MYO3A: variants seen among roughly 807,000 people sequenced by gnomAD.
The protein encoded by MYO3A is myosin-IIIa.
In MYO3A, 180 loss-of-function variants were observed where a neutral mutation model predicts 192.7. The ratio of observed to expected loss-of-function variants is 0.93; its 90% CI spans 0.83 to 1.06. The LOEUF (loss-of-function observed/expected upper bound fraction) is 1.06. MYO3A is among the 50% of genes least tolerant of loss of function. MYO3A has a pLI of 0.00. For synonymous variants in MYO3A, 628 were observed against 645.3 expected (o/e 0.97, Z 0.41); for missense variants, 1,896 against 1,905.0 (o/e 1.00, Z 0.09).
chr10:26,147,636 T>G, intron 23 of MYO3A, 77 bp downstream of exon 23: 1 of 1,594,560 alleles, frequency 6.3e-7, no homozygotes, highest in Non-Finnish European at 8.6e-7. Context: ...TTCACTAATT[T>G]CATCCTTAAT....
chr10:26,103,984 C>A (rs1837632629), intron 17 of MYO3A, among the ~76,000 whole-genome samples: 1 of 151,886 alleles, frequency 6.6e-6, no homozygotes, highest in African/African-American at 2.4e-5. Context: ...TCATCTGTGG[C>A]TCTTTTTTGG....
chr10:26,174,935 C>T (rs1842245992), intron 30 of MYO3A, among the ~76,000 whole-genome samples: 1 of 152,144 alleles, frequency 6.6e-6, no homozygotes, highest in African/African-American at 2.4e-5. Flanking sequence ...TGCTTTCTCC[C>T]TTTCACAAAT....
At chr10:26,211,284 A>C (rs937339696) in intron 34 of MYO3A, among the ~76,000 whole-genome samples, 1 of 152,236 alleles carries the variant, frequency 6.6e-6, no homozygotes, top group Non-Finnish European at 1.5e-5. Context: ...AGGGGTTCTC[A>C]GCAATGGATT....
intron 14 of MYO3A, among the ~76,000 whole-genome samples, chr10:26,081,133 T>TCCCCCCCCCTTCCC (rs1835907338): frequency 2.1e-4 from 18 of 84,982 alleles, no homozygotes; most frequent in African/African-American, 7.2e-4. Context: ...TATATGCCCT[T>TCCCCCCCCCTTCCC]CCCCCCCCCC....
intron 20 of MYO3A, among the ~76,000 whole-genome samples, chr10:26,135,808 A>G (rs1839813865): frequency 1.3e-5 from 2 of 151,964 alleles, no homozygotes; most frequent in Admixed American, 6.6e-5. Context: ...TCTACTAAAA[A>G]TACAAAAATT....
intron 17 of MYO3A, among the ~76,000 whole-genome samples, chr10:26,104,604 C>T (rs1316211199): frequency 6.6e-6 from 1 of 152,086 alleles, no homozygotes; most frequent in East Asian, 1.9e-4. Context: ...GATTGGGAAG[C>T]ATAAATCCTC....
intron 10 of MYO3A, among the ~76,000 whole-genome samples, chr10:26,044,417 C>T (rs914145780): frequency 6.6e-6 from 1 of 152,170 alleles, no homozygotes; most frequent in East Asian, 1.9e-4. Flanking sequence ...AGCACTGTAG[C>T]CCATGCTGGC....
At chr10:25,976,871 A>T (rs1185212122) in intron 4 of MYO3A, among the ~76,000 whole-genome samples, 1 of 152,106 alleles carries the variant, frequency 6.6e-6, no homozygotes, top group African/African-American at 2.4e-5. Context: ...ATTCACCTGG[A>T]TGCAATTATT....
intron 20 of MYO3A, among the ~76,000 whole-genome samples, chr10:26,136,979 C>T (rs1254208530): frequency 2.0e-5 from 3 of 151,832 alleles, no homozygotes; most frequent in African/African-American, 7.3e-5. Context: ...GTTCGTGCCA[C>T]TGCACTCCAG....
intron 20 of MYO3A, among the ~76,000 whole-genome samples, chr10:26,129,808 A>G (rs920773352): frequency 1.3e-5 from 2 of 152,222 alleles, no homozygotes; most frequent in African/African-American, 4.8e-5. Flanking sequence ...GCAAGTGTTC[A>G]ATAAGTAATG....
chr10:26,157,753 C>T (rs1841231108), intron 26 of MYO3A, among the ~76,000 whole-genome samples: 1 of 152,148 alleles, frequency 6.6e-6, no homozygotes, highest in Non-Finnish European at 1.5e-5. Context: ...AGCTTCTGTA[C>T]TGAGGAGTTG....
intron 7 of MYO3A, among the ~76,000 whole-genome samples, chr10:26,018,690 C>A (rs529297362): frequency 6.6e-6 from 1 of 152,100 alleles, no homozygotes; most frequent in Non-Finnish European, 1.5e-5. Context: ...TCATACAAAC[C>A]AGGACACCCT....
At chr10:25,946,520 C>CTTT (rs35754342) in intron 2 of MYO3A, among the ~76,000 whole-genome samples, 2 of 142,222 alleles carry the variant, frequency 1.4e-5, no homozygotes. Context: ...TTAAGTTTCC[C>CTTT]TTTTTTTTTT....
chr10:26,188,706 G>A (rs1353731861), intron 31 of MYO3A, among the ~76,000 whole-genome samples: 1 of 152,112 alleles, frequency 6.6e-6, no homozygotes, highest in East Asian at 1.9e-4. Flanking sequence ...TCTACATATG[G>A]CTAGCCAGTT....
At chr10:26,049,901 C>T (rs1843886946) in intron 10 of MYO3A, among the ~76,000 whole-genome samples, 1 of 151,898 alleles carries the variant, frequency 6.6e-6, no homozygotes, top group South Asian at 2.1e-4. Context: ...GTCTCGATCT[C>T]ATGACCTCGT....
At chr10:26,030,115 GC>G (rs1407236683) in intron 10 of MYO3A, among the ~76,000 whole-genome samples, 3 of 152,158 alleles carry the variant, frequency 2.0e-5, no homozygotes, top group African/African-American at 7.2e-5. Flanking sequence ...CCCACACTCA[GC>G]CCCATTCTTC....
In MYO3A at chr10:25,960,847, C is replaced by G. The variant is rs1588663541; in HGVS notation, c.303+5839C>G. Among the ~76,000 whole-genome samples the G allele has an allele frequency of 2.0e-5, 3 of 151,944 alleles. No homozygotes were observed. The East Asian group carries it at 5.8e-4, about 29-fold the overall frequency. On this transcript the variant is annotated intron_variant, in intron 4 of 34. Coordinates refer to ENST00000642920, the MANE Select transcript of MYO3A (RefSeq NM_017433.5). ...GTAAGTGGACCCACAGAGTTCAAAC[C>G]CTTGTTGTTTAAGGGTCAACTGCAT...
rs1286994574 is a variant in MYO3A at position 26,193,285 on chromosome 10, G to C, written c.4519G>C (p.Asp1507His). ...ACCCAAAACATTAAATAACCCTGAAGACTCCACATACTATTATCTACTTCA... is the reference window on the plus strand; with the variant it reads ...ACCCAAAACATTAAATAACCCTGAACACTCCACATACTATTATCTACTTCA... Reference protein sequence around the residue: ...RKPKTLNNPEDSTYYYLLHKS... With the variant: ...RKPKTLNNPEHSTYYYLLHKS... The change falls in exon 32 of 35, where the codon GAC becomes CAC. Residue 1507 changes from aspartate (D) to histidine (H), a missense_variant. Coordinates refer to ENST00000642920, the MANE Select transcript of MYO3A (RefSeq NM_017433.5). 1 of 1,613,570 alleles carries C rather than the reference G, an allele frequency of 6.2e-7. No individual in the cohort carries two copies. The highest frequency in any genetic ancestry group is 1.7e-5 in the Admixed American group (1 of 59,976).
At chr10:26,106,302 G>A (rs1837799406) in intron 17 of MYO3A, among the ~76,000 whole-genome samples, 1 of 152,036 alleles carries the variant, frequency 6.6e-6, no homozygotes, top group South Asian at 2.1e-4. Context: ...TTTAGATGCT[G>A]TTTCGAGTTT....
Sources: gnomAD v4.1 joint callset for allele counts (sites outside exome capture counted in the v4.1 genomes callset) on GRCh38, gnomAD v4.1.1 for gene constraint, MANE v1.5 for transcripts, NCBI Gene and HGNC (gene_info 2026-07-23, HGNC 2026-07-21) for gene names.